PPRC1: variants seen among roughly 807,000 people sequenced by gnomAD.
PPRC1 encodes the protein PPARG related coactivator 1, also known as peroxisome proliferator-activated receptor gamma coactivator-related protein 1.
In PPRC1, 23 loss-of-function variants were observed where a neutral mutation model predicts 132.5. That is an observed-to-expected ratio of 0.17 (90% confidence interval 0.12 to 0.25). PPRC1 has a LOEUF of 0.25. Among genes scored for constraint, PPRC1 ranks in the 10% least tolerant of loss-of-function variants. The pLI is 1.00. For synonymous variants in PPRC1, 872 were observed against 833.5 expected, an observed-to-expected ratio of 1.05 and a Z score of -0.80; for missense variants, 2,006 against 2,089.1, an observed-to-expected ratio of 0.96 and a Z score of 0.78.
chr10:102,130,383 C>T (rs1332965110), upstream of PPRC1, among the ~76,000 whole-genome samples: 5 of 137,784 alleles, frequency 3.6e-5, no homozygotes, highest in Non-Finnish European at 6.1e-5. Context: ...CGCCACTGCA[C>T]TCCAGCCTGG....
Position 102,148,652 on chromosome 10 carries a change from C to G in PPRC1, c.4575C>G (p.Asp1525Glu), listed in dbSNP as rs1024758578. ...RRRYSSYRSH[D>E]HYQRQRVLQK... The stretch of plus-strand genomic sequence containing the variant: ...GGTACAGCTCTTATCGTTCACATGA[C>G]CATTACCAAAGGCAAAGAGTGCTAC... Residue 1525 changes from aspartate (D) to glutamate (E), a missense_variant, in exon 11 of 14, where the codon GAC (aspartate) becomes GAG (glutamate). This residue lies in a region of PPRC1 where 1,914 missense variants were observed against 1,917.2 expected (regional missense o/e 1.00). Transcript: ENST00000278070. The surrounding 1 kb of genome is among the most constrained non-coding windows in gnomAD (Gnocchi z 4.2). 3.1e-6 allele frequency: 5 copies of G among 1,614,128 alleles called. No individual in the cohort carries two copies. Among genetic ancestry groups the G allele is most frequent in the Non-Finnish European group, 4.2e-6 (5 of 1,180,018 alleles).
intron 2 of PPRC1, 113 bp downstream of exon 2, chr10:102,138,151 C>G (rs1300216238): frequency 2.7e-6 from 3 of 1,113,526 alleles, no homozygotes; most frequent in Non-Finnish European, 3.8e-6. Context: ...TTCCTGGGTG[C>G]CCAACCTGAA....
chr10:102,132,532 A>T (rs1474063058), upstream of PPRC1, among the ~76,000 whole-genome samples: 1 of 152,268 alleles, frequency 6.6e-6, no homozygotes, highest in African/African-American at 2.4e-5. Context: ...TCTGAGTAGT[A>T]GCAGAGAGGG....
In PPRC1 at chr10:102,149,211, T is replaced by G; in HGVS notation, c.4773T>G (p.Ala1591=). Residue 1591 remains alanine, a synonymous_variant, in exon 13 of 14, where the codon GCT becomes GCG. Transcript: ENST00000278070. ...ACGGCTTCGTCACTTATCGCTATGC[T>G]GAGGAGGCATTTGCAGCCATTGAGA... is the stretch of plus-strand genomic sequence containing the variant. The part of the protein sequence containing the change: ...DNYGFVTYRY[A]EEAFAAIESG... 1 of 1,608,614 alleles carries G rather than the reference T, an allele frequency of 6.2e-7. No homozygotes were observed. Among genetic ancestry groups the G allele is most frequent in the South Asian group, 1.1e-5 (1 of 90,492 alleles).
rs2069353828 is a variant in PPRC1, at chr10:102,148,348, C to T, written c.4401-24C>T. ...GTATACCTGAACCACTCCCAGCATT[C>T]CTGCATGCCCTCTTATCCTTCAGGT... On this transcript the variant is annotated intron_variant, in intron 9 of 13. Coordinates refer to ENST00000278070, the MANE Select transcript of PPRC1 (RefSeq NM_015062.5). This position sits in a 1 kb window ranked among gnomAD's most constrained non-coding sequence, Gnocchi z 4.2. The T allele has an allele frequency of 6.2e-7, 1 of 1,610,140 alleles. No homozygotes were observed. Among genetic ancestry groups the T allele is most frequent in the Non-Finnish European group, 8.5e-7 (1 of 1,178,522 alleles).
At position 102,149,934 on chromosome 10, in the gene PPRC1, C is replaced by G; in HGVS notation, c.4900C>G (p.Arg1634Gly). 1 of 1,610,508 alleles carries G rather than the reference C, an allele frequency of 6.2e-7. No homozygotes were observed. Among genetic ancestry groups the G allele is most frequent in the Non-Finnish European group, 8.5e-7 (1 of 1,176,832 alleles). Residue 1634 changes from arginine to glycine, a missense_variant, in exon 14 of 14, where the codon CGG becomes GGG. Physicochemically the swap from Arg to Gly is moderately radical, Grantham distance 125 (BLOSUM62 -2). Transcript: ENST00000278070. ...KRSYSDLDSN[R>G]EDFDPAPVKS... is the part of the protein sequence containing the mutation. Reference sequence around the variant, plus strand: ...TGTCTTTACCTTTATAGACTCCAACCGGGAAGACTTTGACCCAGCACCTGT... The same window carrying G: ...TGTCTTTACCTTTATAGACTCCAACGGGGAAGACTTTGACCCAGCACCTGT...
At chr10:102,134,107 A>C (rs534584460) in intron 1 of PPRC1, among the ~76,000 whole-genome samples, 1 of 152,018 alleles carries the variant, frequency 6.6e-6, no homozygotes. Flanking sequence ...GTTGCCTTGC[A>C]GTCTTGCCTT....
chr10:102,146,876 AC>A lies in PPRC1; in HGVS notation c.3886del (p.His1296MetfsTer17). 6.2e-7 allele frequency: 1 copy of A among 1,613,924 alleles called. No homozygotes were observed. The highest frequency in any genetic ancestry group is 8.5e-7 in the Non-Finnish European group (1 of 1,179,930). Reference protein sequence around the residue: ...GPSRVHVGSGDHDYCVRSRTP... With the variant: ...GPSRVHVGSGXHDYCVRSRTP... ...AGTCGAGTCCATGTGGGCTCTGGGG[AC>A]CATGACTATTGTGTCCGGAGCAGGA... is the stretch of plus-strand genomic sequence containing the variant. On this transcript the variant is annotated frameshift_variant, in exon 9 of 14. Coordinates refer to ENST00000278070, the MANE Select transcript of PPRC1 (RefSeq NM_015062.5). LOFTEE classifies it high-confidence loss of function.
the PPRC1 span, among the ~76,000 whole-genome samples, chr10:102,122,329 G>A: frequency 2.0e-5 from 3 of 152,196 alleles, no homozygotes; most frequent in African/African-American, 7.2e-5. Flanking sequence ...TGAGACAACT[G>A]ACCACCCCAC....
rs1187274743 is a variant in PPRC1 at position 102,140,412 on chromosome 10, T to C, written c.1904T>C (p.Val635Ala). Reference sequence around the variant, plus strand: ...GCTGAGCCAGTGCTGATCAACCCAGTCCTGGCTGACTCAGCAGCAGTTGAC... The same window carrying C: ...GCTGAGCCAGTGCTGATCAACCCAGCCCTGGCTGACTCAGCAGCAGTTGAC... Reference protein sequence around the residue: ...LPAEPVLINPVLADSAAVDPA... With the variant: ...LPAEPVLINPALADSAAVDPA... Residue 635 changes from valine (V) to alanine (A), a missense_variant, in exon 5 of 14, where the codon GTC becomes GCC. Val to Ala is a moderately conservative substitution (Grantham distance 64, BLOSUM62 0). Transcript: ENST00000278070. 1 of 1,614,060 alleles carries C rather than the reference T, an allele frequency of 6.2e-7. No homozygotes were observed. The highest frequency in any genetic ancestry group is 2.2e-5 in the East Asian group (1 of 44,886).
rs1413787500 is a variant in PPRC1 at position 102,138,138 on chromosome 10, T to G, written c.342+100T>G. The G allele has an allele frequency of 4.7e-6, 6 of 1,277,650 alleles. No individual in the cohort carries two copies. The Admixed American group carries it at 1.1e-4, about 23-fold the overall frequency. The allele number at this position is 1,277,650 out of a possible 1,614,324, so 79.1% of individuals were successfully genotyped here. ...GGCTCTGCTCTCCCAGGACCTTAGC[T>G]TCTTCCTGGGTGCCCAACCTGAATC... On this transcript the variant is annotated intron_variant, in intron 2 of 13. Transcript: ENST00000278070.
Position 102,137,841 on chromosome 10 carries a change from C to T in PPRC1, c.154-9C>T, listed in dbSNP as rs2068781635. On this transcript the variant is annotated splice_polypyrimidine_tract_variant and intron_variant, in intron 1 of 13. Transcript: ENST00000278070. ...GCTCATACCCTTCTCACCTTCTTCT[C>T]TGCTCCAGGTGCTGCTGCATGAGGA... The T allele has an allele frequency of 6.2e-7, 1 of 1,612,488 alleles. No individual in the cohort carries two copies. Among genetic ancestry groups the T allele is most frequent in the East Asian group, 2.2e-5 (1 of 44,874 alleles).
In PPRC1 at chr10:102,147,306, C is replaced by G. The variant is rs758470365; in HGVS notation, c.4314C>G (p.Ser1438Arg). The part of the protein sequence containing the change: ...RSVSSGSNRT[S>R]EASSSSSSSS... Reference sequence around the variant, plus strand: ...TCAGCTCTGGGTCCAACCGGACTAGCGAAGCATCTTCCTCATCCTCATCAT... The same window carrying G: ...TCAGCTCTGGGTCCAACCGGACTAGGGAAGCATCTTCCTCATCCTCATCAT... Residue 1438 changes from serine (S) to arginine (R), a missense_variant, in exon 9 of 14, where the codon AGC (serine) becomes AGG (arginine). Ser to Arg is a moderately radical substitution (Grantham distance 110). Around this residue, in one of 2 missense-constraint regions of PPRC1, gnomAD observed 1,914 missense variants for 1,917.2 expected, o/e 1.00. Coordinates refer to ENST00000278070, the MANE Select transcript of PPRC1 (RefSeq NM_015062.5). The G allele has an allele frequency of 7.8e-5, 125 of 1,612,538 alleles. No individual in the cohort carries two copies. The highest frequency in any genetic ancestry group is 1.0e-4 in the Non-Finnish European group (120 of 1,180,040).
intron 2 of PPRC1, among the ~76,000 whole-genome samples, 176 bp downstream of exon 2, chr10:102,138,214 G>T (rs995320544): frequency 4.6e-5 from 7 of 152,206 alleles, no homozygotes; most frequent in African/African-American, 1.4e-4. Flanking sequence ...CAGGCTGCCA[G>T]ATTATGTCCC....
At chr10:102,135,874 CT>C (rs2068704199) in intron 1 of PPRC1, among the ~76,000 whole-genome samples, 1 of 152,162 alleles carries the variant, frequency 6.6e-6, no homozygotes, top group African/African-American at 2.4e-5. Flanking sequence ...TGATGGCTGG[CT>C]TACTTTCAGC....
chr10:102,148,499 C>T lies in PPRC1; in HGVS notation c.4528C>T (p.Arg1510Trp), dbSNP rs1214364070. The T allele has an allele frequency of 4.3e-6, 7 of 1,613,418 alleles. No homozygotes were observed. Among genetic ancestry groups the T allele is most frequent in the South Asian group, 3.3e-5 (3 of 91,068 alleles). ...RSRSRSPSPR[R>W]RSDRRRRYSS... ...CCGCTCACGATCCCCATCCCCCCGC[C>T]GGAGAAGTGACAGGAGGCGGCGGTG... The change falls in exon 10 of 14, where the codon CGG becomes TGG. Residue 1510 changes from arginine to tryptophan, a missense_variant. By Grantham distance (101) the Arg-to-Trp change is moderately radical. Around this residue, in one of 2 missense-constraint regions of PPRC1, gnomAD observed 1,914 missense variants for 1,917.2 expected, o/e 1.00. Transcript: ENST00000278070. The surrounding 1 kb of genome is among the most constrained non-coding windows in gnomAD (Gnocchi z 4.2).
In PPRC1 at chr10:102,148,775, C is replaced by T. The variant is rs2069381463; in HGVS notation, c.4618-42C>T. On this transcript the variant is annotated intron_variant, in intron 11 of 13. Coordinates refer to ENST00000278070, the MANE Select transcript of PPRC1 (RefSeq NM_015062.5). The surrounding 1 kb of genome is among the most constrained non-coding windows in gnomAD (Gnocchi z 4.2). The stretch of plus-strand genomic sequence containing the variant: ...CAGAGAGCTGCCTGCAGCTGTAGCC[C>T]TGGCTAATGGTGTGTTGATTTTTTT... The T allele has an allele frequency of 6.2e-7, 1 of 1,614,148 alleles. No individual in the cohort carries two copies.
At chr10:102,127,031 A>G in the PPRC1 span, among the ~76,000 whole-genome samples, 1 of 40,012 alleles carries the variant, frequency 2.5e-5, no homozygotes, top group African/African-American at 5.8e-5. Flanking sequence ...ATATATATAT[A>G]TATATATATA....
At position 102,148,561 on chromosome 10, in the gene PPRC1, A is replaced by T; in HGVS notation, c.4550+40A>T. On this transcript the variant is annotated intron_variant, in intron 10 of 13. Transcript: ENST00000278070. The surrounding 1 kb of genome is among the most constrained non-coding windows in gnomAD (Gnocchi z 4.2). ...AGGGAGCGCCATGCACCTGGGATGC[A>T]GGTGCCTAAGAGTTGAGTCTTGAAT... 6.2e-7 allele frequency: 1 copy of T among 1,612,276 alleles called. No homozygotes were observed. Among genetic ancestry groups the T allele is most frequent in the Non-Finnish European group, 8.5e-7 (1 of 1,178,278 alleles).
Sources: allele counts gnomAD v4.1 joint callset (sites outside exome capture counted in the v4.1 genomes callset), GRCh38; gene constraint gnomAD v4.1.1; regional missense constraint gnomAD v4.1.1; non-coding constraint Gnocchi (gnomAD v3.1); transcripts MANE v1.5; gene names NCBI Gene and HGNC (gene_info 2026-07-23, HGNC 2026-07-21).